ARHGEF35: variants seen among roughly 807,000 people sequenced by gnomAD.
ARHGEF35 encodes the protein Rho guanine nucleotide exchange factor (GEF) 35.
For synonymous variants in ARHGEF35, 47 were observed against 170.4 expected (o/e 0.28, Z 5.64); for missense variants, 114 against 449.7 (o/e 0.25, Z 6.75).
Position 144,187,036 on chromosome 7 carries a change from A to T in ARHGEF35, c.1348T>A (p.Ser450Thr). The change falls in exon 2 of 2, where the codon TCT becomes ACT. Residue 450 changes from serine (S) to threonine (T), a missense_variant. Transcript: ENST00000378115. ...RAEELSPAAL[S>T]PLLEPIRCSH... The stretch of plus-strand genomic sequence containing the variant: ...CATCTGATGGGCTCTAGCAAGGGAG[A>T]CAGAGCTGCGGGGGACAGTTCCTCA... The T allele has an allele frequency of 6.5e-7, 1 of 1,545,168 alleles. No individual in the cohort carries two copies.
At position 144,186,844 on chromosome 7, in the gene ARHGEF35, A is replaced by C; in HGVS notation, c.*85T>G. 9.2e-7 allele frequency: 1 copy of C among 1,091,176 alleles called. No homozygotes were observed. Among genetic ancestry groups the C allele is most frequent in the African/African-American group, 1.7e-5 (1 of 57,562 alleles). 67.6% of individuals were successfully genotyped at this position (1,091,176 alleles called of 1,614,324 possible). ...TAAACATTTGGAAATTTAAAAACAC[A>C]CTTCACAATAATCTATCAGTCAAAG... On this transcript the variant is annotated 3_prime_UTR_variant, in exon 2 of 2. Coordinates refer to ENST00000378115, the MANE Select transcript of ARHGEF35 (RefSeq NM_001003702.3).
chr7:144,193,843 C>T (rs1396858737), intron 1 of ARHGEF35, among the ~76,000 whole-genome samples: 9 of 144,872 alleles, frequency 6.2e-5, no homozygotes, highest in East Asian at 1.9e-4. Context: ...GTGTGAGTGA[C>T]GTGTTTGTGT....
chr7:144,186,893 A>C lies in ARHGEF35; in HGVS notation c.*36T>G, dbSNP rs370126707. ...AGAAGTCTCAAGGAAAAATTTAAAA[A>C]TACATTGAACTGGATAAACATGAAA... On this transcript the variant is annotated 3_prime_UTR_variant, in exon 2 of 2. Coordinates refer to ENST00000378115, the MANE Select transcript of ARHGEF35 (RefSeq NM_001003702.3). 1.3e-4 allele frequency: 171 copies of C among 1,362,242 alleles called. 13 individuals are homozygous for C. The African/African-American group carries it at 2.5e-3, about 20-fold the overall frequency. 84.4% of individuals were successfully genotyped at this position (1,362,242 alleles called of 1,614,324 possible). A position where few individuals can be genotyped will look rare whatever the true frequency, so the allele number is the denominator to read the frequency against.
At chr7:144,192,230 T>TGTACAA (rs763325598) in intron 1 of ARHGEF35, among the ~76,000 whole-genome samples, 83 of 62,784 alleles carry the variant, frequency 1.3e-3, no homozygotes, top group African/African-American at 6.0e-3. Flanking sequence ...CCACTGTGTG[T>TGTACAA]ACACACACAC....
Position 144,187,246 on chromosome 7 carries a change from C to T in ARHGEF35, c.1138G>A (p.Glu380Lys). The part of the protein sequence containing the change: ...PVSGQEAKEP[E>K]SWDGGRLGAV... Reference sequence around the variant, plus strand: ...CCCAGCCTGCCCCCATCCCAACTCTCTGGCTCTTTCGCCTCCTGCCCGCTG... The same window carrying T: ...CCCAGCCTGCCCCCATCCCAACTCTTTGGCTCTTTCGCCTCCTGCCCGCTG... The change falls in exon 2 of 2, where the codon GAG becomes AAG. Residue 380 changes from glutamate (E) to lysine (K), a missense_variant. Physicochemically the swap from Glu to Lys is moderately conservative, Grantham distance 56. Transcript: ENST00000378115. 2 of 1,410,014 alleles carry T rather than the reference C, an allele frequency of 1.4e-6. No individual in the cohort carries two copies. The highest frequency in any genetic ancestry group is 4.2e-5 in the Admixed American group (2 of 47,330). 87.3% of individuals were successfully genotyped at this position (1,410,014 alleles called of 1,614,324 possible).
chr7:144,194,206 ACACTC>A (rs1233483277), intron 1 of ARHGEF35, among the ~76,000 whole-genome samples: 1 of 34,730 alleles, frequency 2.9e-5, no homozygotes, highest in Non-Finnish European at 7.5e-5. Context: ...TAATATATGA[ACACTC>A]TTCTCTCTAT....
chr7:144,186,298 A>C lies in ARHGEF35; in HGVS notation c.*631T>G. 1 of 178,048 alleles carries C rather than the reference A, an allele frequency of 5.6e-6. No individual in the cohort carries two copies. The highest frequency in any genetic ancestry group is 5.5e-5 in the Admixed American group (1 of 18,114). The allele number at this position is 178,048 out of a possible 1,614,324, so 11.0% of individuals were successfully genotyped here. ...GTGAAAGTAACTTTATGCTTAATTT[A>C]ATAAATTTTCATTGATTTTTTTTAA... On this transcript the variant is annotated 3_prime_UTR_variant, in exon 2 of 2. Transcript: ENST00000378115.
chr7:144,192,230 T>TGTAC (rs763325598), intron 1 of ARHGEF35, among the ~76,000 whole-genome samples: 2,440 of 62,686 alleles, frequency 0.039, 25 homozygotes, highest in Non-Finnish European at 0.05. Context: ...CCACTGTGTG[T>TGTAC]ACACACACAC....
At chr7:144,192,146 C>G (rs1398139089) in intron 1 of ARHGEF35, among the ~76,000 whole-genome samples, 1 of 127,028 alleles carries the variant, frequency 7.9e-6, no homozygotes, top group Non-Finnish European at 1.7e-5. Flanking sequence ...AATGCTGCAC[C>G]TGACCGTGCA....
Position 144,186,828 on chromosome 7 carries a change from G to T in ARHGEF35, c.*101C>A. On this transcript the variant is annotated 3_prime_UTR_variant, in exon 2 of 2. Coordinates refer to ENST00000378115, the MANE Select transcript of ARHGEF35 (RefSeq NM_001003702.3). ...AAGATATGAAAATCCCTAAACATTT[G>T]GAAATTTAAAAACACACTTCACAAT... The T allele has an allele frequency of 9.9e-7, 1 of 1,011,764 alleles. No individual in the cohort carries two copies. Among genetic ancestry groups the T allele is most frequent in the South Asian group, 1.7e-5 (1 of 58,748 alleles). The allele number at this position is 1,011,764 out of a possible 1,614,324, so 62.7% of individuals were successfully genotyped here.
In ARHGEF35 at chr7:144,187,134, G is replaced by A. The variant is rs2051965093; in HGVS notation, c.1250C>T (p.Pro417Leu). ...GGCACCTGGAAACAGGTCACAGTGA[G>A]GAGAGTCCTCAGGGGCTATCAGAGC... ...MPALIAPEDS[P>L]HCDLFPGASY... is the part of the protein sequence containing the mutation. Residue 417 changes from proline (P) to leucine (L), a missense_variant, in exon 2 of 2, where the codon CCT becomes CTT. Transcript: ENST00000378115. The A allele has an allele frequency of 2.0e-6, 3 of 1,525,418 alleles. No individual in the cohort carries two copies. The highest frequency in any genetic ancestry group is 1.8e-6 in the Non-Finnish European group (2 of 1,113,216). The allele number at this position is 1,525,418 out of a possible 1,614,324, so 94.5% of individuals were successfully genotyped here. A position where few individuals can be genotyped will look rare whatever the true frequency, so the allele number is the denominator to read the frequency against.
Position 144,187,019 on chromosome 7 carries a change from G to A in ARHGEF35, c.1365C>T (p.Pro455=), listed in dbSNP as rs1228142810. 6.5e-7 allele frequency: 1 copy of A among 1,545,720 alleles called. No homozygotes were observed. The highest frequency in any genetic ancestry group is 8.9e-7 in the Non-Finnish European group (1 of 1,123,732). ...AAATGGGCTGGTGAGAGCATCTGATGGGCTCTAGCAAGGGAGACAGAGCTG... is the reference window on the plus strand; with the variant it reads ...AAATGGGCTGGTGAGAGCATCTGATAGGCTCTAGCAAGGGAGACAGAGCTG... The part of the protein sequence containing the change: ...SPAALSPLLE[P]IRCSHQPISL... Residue 455 remains proline, a synonymous_variant, in exon 2 of 2, where the codon CCC becomes CCT. Transcript: ENST00000378115.
chr7:144,191,383 C>G lies in ARHGEF35; in HGVS notation c.-12-2988G>C, dbSNP rs2052002213. Among the ~76,000 whole-genome samples, 2 of 87,898 alleles carry G rather than the reference C, an allele frequency of 2.3e-5. 1 individual carries two copies. The highest frequency in any genetic ancestry group is 4.7e-5 in the Non-Finnish European group (2 of 42,408). The allele number at this position is 87,898 out of a possible 152,430, so 57.7% of individuals were successfully genotyped here. On this transcript the variant is annotated intron_variant, in intron 1 of 1. Transcript: ENST00000378115. Reference sequence around the variant, plus strand: ...ACTGGCTTTCAGTGTCTTTAGCTCACTTCTCTCTGTGTCTCTCACCTGTAG... The same window carrying G: ...ACTGGCTTTCAGTGTCTTTAGCTCAGTTCTCTCTGTGTCTCTCACCTGTAG...
intron 1 of ARHGEF35, among the ~76,000 whole-genome samples, chr7:144,189,652 T>C (rs2051982864): frequency 1.0e-5 from 1 of 97,416 alleles, no homozygotes. Context: ...AATCAACATG[T>C]TGTTAATTCC....
At chr7:144,192,230 T>TAC (rs2699831) in intron 1 of ARHGEF35, among the ~76,000 whole-genome samples, 10,192 of 62,922 alleles carry the variant, frequency 0.16, 1,625 homozygotes, top group Non-Finnish European at 0.21. Context: ...CCACTGTGTG[T>TAC]ACACACACAC....
At chr7:144,191,342 C>G (rs2052000441) in intron 1 of ARHGEF35, among the ~76,000 whole-genome samples, 1 of 105,762 alleles carries the variant, frequency 9.5e-6, no homozygotes, top group Non-Finnish European at 2.0e-5. Flanking sequence ...TCCCTGCCCC[C>G]ATCCCCCCCC....
rs1250727382 is a variant in ARHGEF35 at position 144,186,888 on chromosome 7, T to A, written c.*41A>T. On this transcript the variant is annotated 3_prime_UTR_variant, in exon 2 of 2. Coordinates refer to ENST00000378115, the MANE Select transcript of ARHGEF35 (RefSeq NM_001003702.3). ...GTCAAAGAAGTCTCAAGGAAAAATTTAAAAATACATTGAACTGGATAAACA... is the reference window on the plus strand; with the variant it reads ...GTCAAAGAAGTCTCAAGGAAAAATTAAAAAATACATTGAACTGGATAAACA... 7.4e-7 allele frequency: 1 copy of A among 1,350,138 alleles called. No homozygotes were observed. The highest frequency in any genetic ancestry group is 2.8e-5 in the Admixed American group (1 of 35,588). The allele number at this position is 1,350,138 out of a possible 1,614,324, so 83.6% of individuals were successfully genotyped here.
rs1000492238 is a variant in ARHGEF35, at chr7:144,186,998, G to A, written c.1386C>T (p.Pro462=). 3.6e-5 allele frequency: 56 copies of A among 1,545,988 alleles called. 5 individuals are homozygous for A. The highest frequency in any genetic ancestry group is 3.5e-5 in the Non-Finnish European group (39 of 1,123,880). The change falls in exon 2 of 2, where the codon CCC becomes CCT. Residue 462 remains proline (P), a synonymous_variant. Coordinates refer to ENST00000378115, the MANE Select transcript of ARHGEF35 (RefSeq NM_001003702.3). ...TCAAAAAGGAGCCCAGTAGAGAAAT[G>A]GGCTGGTGAGAGCATCTGATGGGCT... ...LLEPIRCSHQ[P]ISLLGSFLTE...
intron 1 of ARHGEF35, among the ~76,000 whole-genome samples, chr7:144,193,993 C>T (rs200726949): frequency 1.5e-3 from 181 of 120,586 alleles, no homozygotes; most frequent in Middle Eastern, 0.012. Context: ...TGTTTGTCTA[C>T]ACCACTGACA....
Sources: allele counts gnomAD v4.1 joint callset (sites outside exome capture counted in the v4.1 genomes callset), GRCh38; gene constraint gnomAD v4.1.1; transcripts MANE v1.5; gene names NCBI Gene and HGNC (gene_info 2026-07-23, HGNC 2026-07-21).